TNKS: variants seen among roughly 807,000 people sequenced by gnomAD.
TNKS encodes the protein tankyrase.
A neutral mutation model predicts 135.8 loss-of-function variants in TNKS; 72 were observed. The observed-to-expected ratio is 0.53, with a 90% CI of 0.44 to 0.64. The LOEUF is 0.64. Ranked by LOEUF, TNKS falls within the 30% of genes least tolerant of loss-of-function variation. The pLI, the probability that TNKS is intolerant of heterozygous loss-of-function variation, is 0.00. For missense variants in TNKS, 1,769 were observed against 1,674.0 expected (o/e 1.06, Z -0.99); for synonymous variants, 849 against 649.3 (o/e 1.31, Z -4.68).
chr8:9,616,143 T>A (rs1397904854), intron 3 of TNKS, among the ~76,000 whole-genome samples: 1 of 152,216 alleles, frequency 6.6e-6, no homozygotes, highest in African/African-American at 2.4e-5. Flanking sequence ...TTTAATCATA[T>A]GTTTTCACTT....
chr8:9,653,560 A>G (rs1801224733), intron 3 of TNKS, among the ~76,000 whole-genome samples: 1 of 151,864 alleles, frequency 6.6e-6, no homozygotes, highest in Admixed American at 6.6e-5. Flanking sequence ...CAAGCATGAG[A>G]GGCAACCACA....
In TNKS at chr8:9,731,045, A is replaced by G; in HGVS notation, c.2147+10A>G. On this transcript the variant is annotated intron_variant, in intron 14 of 26. Coordinates refer to ENST00000310430, the MANE Select transcript of TNKS (RefSeq NM_003747.3). ...ATGCCAAAGACAAGGGGTACGTGTT[A>G]GAAGTTAGCTGTTTGGGAGTCATTC... The G allele has an allele frequency of 6.3e-7, 1 of 1,584,014 alleles. No homozygotes were observed. The highest frequency in any genetic ancestry group is 8.6e-7 in the Non-Finnish European group (1 of 1,164,036).
intron 3 of TNKS, among the ~76,000 whole-genome samples, chr8:9,651,926 G>A (rs1801162725): frequency 6.6e-6 from 1 of 152,074 alleles, no homozygotes; most frequent in African/African-American, 2.4e-5. Context: ...GTTTCATAAG[G>A]ATTATTACAC....
intron 3 of TNKS, among the ~76,000 whole-genome samples, chr8:9,649,868 CTTTT>C (rs1458559382): frequency 1.4e-4 from 16 of 116,436 alleles, no homozygotes; most frequent in East Asian, 7.2e-4. Flanking sequence ...TTCTTTCTTT[CTTTT>C]CTTTTCTTTT....
rs1012592783 is a variant in TNKS, at chr8:9,595,967, C to G, written c.898+15584C>G. On this transcript the variant is annotated intron_variant, in intron 2 of 26. Transcript: ENST00000310430. ...TCTCTACAAAAAATTTAAAAATTAG[C>G]TGGGGGTGGTGGCACACACCTGTGG... Among the ~76,000 whole-genome samples the G allele has an allele frequency of 5.3e-5, 8 of 151,992 alleles. 1 individual carries two copies. The highest frequency in any genetic ancestry group is 1.3e-4 in the Admixed American group (2 of 15,262).
chr8:9,634,431 A>G (rs956331921), intron 3 of TNKS, among the ~76,000 whole-genome samples: 4 of 152,228 alleles, frequency 2.6e-5, no homozygotes, highest in Non-Finnish European at 5.9e-5. Context: ...TTCTTGGTGT[A>G]GGAGGAAAGA....
At chr8:9,559,039 C>T (rs1233427537) in intron 1 of TNKS, among the ~76,000 whole-genome samples, 2 of 152,136 alleles carry the variant, frequency 1.3e-5, no homozygotes, top group East Asian at 1.9e-4. Flanking sequence ...AATTTAAAAA[C>T]TGCAGTTTAT....
chr8:9,720,200 C>G (rs1260409064), intron 11 of TNKS, among the ~76,000 whole-genome samples, 174 bp from the exon 12 acceptor site: 1 of 151,922 alleles, frequency 6.6e-6, no homozygotes, highest in East Asian at 1.9e-4. Context: ...AGAAGGGTAA[C>G]TAAAAAGAAG....
Position 9,556,400 on chromosome 8 carries a change from C to T in TNKS, c.461C>T (p.Pro154Leu). 1 of 1,614,210 alleles carries T rather than the reference C, an allele frequency of 6.2e-7. No individual in the cohort carries two copies. Among genetic ancestry groups the T allele is most frequent in the Admixed American group, 1.7e-5 (1 of 60,028 alleles). The change falls in exon 1 of 27, where the codon CCC (proline) becomes CTC (leucine). Residue 154 changes from proline (P) to leucine (L), a missense_variant. Physicochemically the swap from Pro to Leu is moderately conservative, Grantham distance 98. This residue lies in a region of TNKS where 450 missense variants were observed against 304.9 expected (regional missense o/e 1.48). Transcript: ENST00000310430. ...SSPGSSLAES[P>L]EAAGVSSTAP... Reference sequence around the variant, plus strand: ...CCTGGATCGAGCTTGGCGGAGAGCCCCGAGGCGGCCGGAGTTAGCAGCACA... The same window carrying T: ...CCTGGATCGAGCTTGGCGGAGAGCCTCGAGGCGGCCGGAGTTAGCAGCACA...
chr8:9,622,904 A>G (rs1158991600), intron 3 of TNKS, among the ~76,000 whole-genome samples: 2 of 152,204 alleles, frequency 1.3e-5, no homozygotes, highest in African/African-American at 4.8e-5. Context: ...GATAGTACTG[A>G]ACCCTGTACA....
intron 26 of TNKS, among the ~76,000 whole-genome samples, chr8:9,771,640 G>C (rs147248439): frequency 1.8e-5 from 2 of 113,478 alleles, no homozygotes; most frequent in Non-Finnish European, 3.7e-5. Flanking sequence ...GAGGGAAAGA[G>C]AGAGAGGGAT....
intron 2 of TNKS, among the ~76,000 whole-genome samples, chr8:9,601,663 G>A (rs887058844): frequency 1.3e-5 from 2 of 152,060 alleles, no homozygotes; most frequent in African/African-American, 2.4e-5. Flanking sequence ...AAATTTTCCT[G>A]TTATTAAGGT....
intron 4 of TNKS, among the ~76,000 whole-genome samples, chr8:9,680,223 C>T (rs577125334): frequency 5.3e-5 from 8 of 152,180 alleles, no homozygotes; most frequent in African/African-American, 1.9e-4. Context: ...CCTGTAAACC[C>T]TAGTTGCCCA....
intron 3 of TNKS, among the ~76,000 whole-genome samples, chr8:9,650,136 C>G (rs1801089888): frequency 6.6e-6 from 1 of 152,062 alleles, no homozygotes; most frequent in Non-Finnish European, 1.5e-5. Context: ...AGGTGATCCA[C>G]CCACCTCATC....
In TNKS at chr8:9,697,566, C is replaced by T. The variant is rs185422685; in HGVS notation, c.1108-7097C>T. Among the ~76,000 whole-genome samples the T allele has an allele frequency of 3.8e-3, 579 of 152,176 alleles. 6 individuals carry two copies. The highest frequency in any genetic ancestry group is 0.013 in the African/African-American group (559 of 41,526). Reference sequence around the variant, plus strand: ...TATGCATCTGACAAAGGTCTAATATCCAGGATCTATAAGGAACTTAATTCA... The same window carrying T: ...TATGCATCTGACAAAGGTCTAATATTCAGGATCTATAAGGAACTTAATTCA... On this transcript the variant is annotated intron_variant, in intron 5 of 26. Coordinates refer to ENST00000310430, the MANE Select transcript of TNKS (RefSeq NM_003747.3).
At chr8:9,565,730 G>A (rs967025462) in intron 1 of TNKS, among the ~76,000 whole-genome samples, 3 of 151,996 alleles carry the variant, frequency 2.0e-5, no homozygotes, top group South Asian at 2.1e-4. Context: ...GGTGGCGGGC[G>A]CCTGTTGTCC....
intron 5 of TNKS, among the ~76,000 whole-genome samples, chr8:9,689,422 A>G (rs2128800871): frequency 6.6e-6 from 1 of 152,322 alleles, no homozygotes; most frequent in East Asian, 1.9e-4. Context: ...TGAAATGCAT[A>G]TTTGGATAAC....
chr8:9,670,239 A>C (rs2128792478), intron 3 of TNKS: 1 of 152,342 alleles, frequency 6.6e-6, no homozygotes, highest in Non-Finnish European at 1.5e-5. Flanking sequence ...GGTTTTTTCA[A>C]AAGTTAGTTT....
chr8:9,721,808 C>T (rs13268380), intron 12 of TNKS, among the ~76,000 whole-genome samples: 16,856 of 152,032 alleles, frequency 0.11, 1,314 homozygotes, highest in Admixed American at 0.24. Context: ...AATCCCAGCA[C>T]TTTGGGAGGC....
Sources: allele counts gnomAD v4.1 joint callset (sites outside exome capture counted in the v4.1 genomes callset), GRCh38; gene constraint gnomAD v4.1.1; regional missense constraint gnomAD v4.1.1; transcripts MANE v1.5; gene names NCBI Gene and HGNC (gene_info 2026-07-23, HGNC 2026-07-21).